ZNF556: variants seen among roughly 807,000 people sequenced by gnomAD.
The protein encoded by ZNF556 is zinc finger protein 556.
ZNF556 carries 11 observed loss-of-function variants against 13.6 expected under a neutral mutation model. The observed-to-expected ratio is 0.81, with a 90% CI of 0.51 to 1.33. The LOEUF is 1.33. Among genes scored for constraint, ZNF556 ranks in the 40% most tolerant of loss-of-function variants. The pLI is 0.00. For missense variants in ZNF556, 633 were observed against 566.2 expected (o/e 1.12, Z -1.20); for synonymous variants, 229 against 207.8 (o/e 1.10, Z -0.88).
intron 1 of ZNF556, among the ~76,000 whole-genome samples, chr19:2,870,908 G>A (rs942286859): frequency 1.4e-5 from 2 of 142,088 alleles, no homozygotes; most frequent in Non-Finnish European, 3.1e-5. Flanking sequence ...GCATGGTGAT[G>A]TGTGCCTGTA....
At chr19:2,870,108 G>C (rs1640128654) in intron 1 of ZNF556, among the ~76,000 whole-genome samples, 1 of 151,872 alleles carries the variant, frequency 6.6e-6, no homozygotes, top group African/African-American at 2.4e-5. Flanking sequence ...ATTTAAATTG[G>C]ATCACATCTG....
In ZNF556 at chr19:2,878,223, A is replaced by G; in HGVS notation, c.1265A>G (p.Gln422Arg). Residue 422 changes from glutamine to arginine, a missense_variant, in exon 4 of 4, where the codon CAG (glutamine) becomes CGG (arginine). Gln to Arg is a conservative substitution (Grantham distance 43). Coordinates refer to ENST00000307635, the MANE Select transcript of ZNF556 (RefSeq NM_024967.3). The part of the protein sequence containing the change: ...SSKNVRTQIG[Q>R]KPSKCEKCGK... ...AAAAATGTAAGAACGCAGATTGGAC[A>G]GAAGCCCAGTAAATGCGAAAAATGT... 2 of 1,614,230 alleles carry G rather than the reference A, an allele frequency of 1.2e-6. No homozygotes were observed. Among genetic ancestry groups the G allele is most frequent in the Admixed American group, 1.7e-5 (1 of 60,022 alleles).
At position 2,877,709 on chromosome 19, in the gene ZNF556, A is replaced by C. The variant is rs564406871; in HGVS notation, c.751A>C (p.Met251Leu). Residue 251 changes from methionine to leucine, a missense_variant, in exon 4 of 4, where the codon ATG becomes CTG. Physicochemically the swap from Met to Leu is conservative, Grantham distance 15. Transcript: ENST00000307635. Reference sequence around the variant, plus strand: ...TCCCAAATCCTTTCGCGCACATGTGATGATGCACGCCGGAGGGAGACCGTA... The same window carrying C: ...TCCCAAATCCTTTCGCGCACATGTGCTGATGCACGCCGGAGGGAGACCGTA... ...SCPKSFRAHV[M>L]MHAGGRPYEC... 3.1e-6 allele frequency: 5 copies of C among 1,614,186 alleles called. No homozygotes were observed. In the African/African-American group the frequency reaches 6.7e-5, roughly 22 times the overall value.
In ZNF556 at chr19:2,877,496, T is replaced by A; in HGVS notation, c.538T>A (p.Cys180Ser). 6.2e-7 allele frequency: 1 copy of A among 1,614,178 alleles called. No homozygotes were observed. Among genetic ancestry groups the A allele is most frequent in the Non-Finnish European group, 8.5e-7 (1 of 1,180,030 alleles). ...SGQKLYKCKE[C>S]GKAFSRPSYL... ...ACAAAAATTATATAAATGTAAGGAA[T>A]GTGGGAAAGCCTTCAGTCGCCCTTC... The change falls in exon 4 of 4, where the codon TGT becomes AGT. Residue 180 changes from cysteine to serine, a missense_variant. Transcript: ENST00000307635.
intron 3 of ZNF556, among the ~76,000 whole-genome samples, chr19:2,876,787 G>C (rs1247912352): frequency 6.6e-6 from 1 of 151,992 alleles, no homozygotes; most frequent in African/African-American, 2.4e-5. Flanking sequence ...TATTGTTTTT[G>C]TAATGGACTG....
intron 1 of ZNF556, 50 bp downstream of exon 1, chr19:2,867,474 G>T (rs755277449): frequency 6.4e-7 from 1 of 1,567,696 alleles, no homozygotes; most frequent in East Asian, 2.3e-5. Flanking sequence ...GGGAGGGGAG[G>T]GTTGGAAGCG....
intron 1 of ZNF556, among the ~76,000 whole-genome samples, chr19:2,871,797 C>T (rs1279919585): frequency 6.6e-6 from 1 of 152,196 alleles, no homozygotes; most frequent in Non-Finnish European, 1.5e-5. Flanking sequence ...CCACAACCAC[C>T]AAGTCGCAGA....
rs576844876 is a variant in ZNF556, at chr19:2,882,427, C to CA, written c.*4109dup. ...TGGGCGACTGAGTGGGACTCTGTCT[C>CA]AAAAAAAAAAAGAGACAAAAGGTAT... On this transcript the variant is annotated 3_prime_UTR_variant, in exon 4 of 4. Transcript: ENST00000307635. The CA allele has an allele frequency of 0.019, 2,372 of 124,402 alleles. 25 individuals are homozygous for CA. Among genetic ancestry groups the CA allele is most frequent in the Middle Eastern group, 0.043 (10 of 232 alleles). The allele number at this position is 124,402 out of a possible 1,614,324, so 7.7% of individuals were successfully genotyped here.
chr19:2,874,023 A>G (rs1056808847), intron 2 of ZNF556, among the ~76,000 whole-genome samples: 1 of 151,664 alleles, frequency 6.6e-6, no homozygotes, highest in Non-Finnish European at 1.5e-5. Context: ...TTGGGAGGCC[A>G]AGGCGGGTGG....
chr19:2,875,983 G>A, intron 2 of ZNF556, 110 bp from the exon 3 acceptor site: 1 of 972,836 alleles, frequency 1.0e-6, no homozygotes, highest in Non-Finnish European at 1.5e-6. Context: ...TAAATAAATA[G>A]ATAAATAAAA....
At chr19:2,871,724 G>C (rs1053516779) in intron 1 of ZNF556, among the ~76,000 whole-genome samples, 4 of 152,164 alleles carry the variant, frequency 2.6e-5, no homozygotes, top group Non-Finnish European at 5.9e-5. Flanking sequence ...CATGTGCAGA[G>C]ACAAGAGAGC....
Position 2,881,782 on chromosome 19 carries a change from C to T in ZNF556, c.*3453C>T, listed in dbSNP as rs895780758. 3 of 151,438 alleles carry T rather than the reference C, an allele frequency of 2.0e-5. No individual in the cohort carries two copies. The highest frequency in any genetic ancestry group is 4.4e-5 in the Non-Finnish European group (3 of 67,944). 9.4% of individuals were successfully genotyped at this position (151,438 alleles called of 1,614,324 possible). Reference sequence around the variant, plus strand: ...TTTTAATACTATTTCAAGAACTGCTCATGAGTTAGGAAATAGTGAGCAGTA... The same window carrying T: ...TTTTAATACTATTTCAAGAACTGCTTATGAGTTAGGAAATAGTGAGCAGTA... On this transcript the variant is annotated 3_prime_UTR_variant, in exon 4 of 4. Coordinates refer to ENST00000307635, the MANE Select transcript of ZNF556 (RefSeq NM_024967.3).
chr19:2,882,531 A>ATATATATATATATATAGTGTGT lies in ZNF556; in HGVS notation c.*4202_*4203insTATATATATATATATAGTGTGT, dbSNP rs57053138. ...ATACATTTTATATATATATATATAT[A>ATATATATATATATATAGTGTGT]GTGTGTGTGTGTGTGTGTGTGTGTG... On this transcript the variant is annotated 3_prime_UTR_variant, in exon 4 of 4. Coordinates refer to ENST00000307635, the MANE Select transcript of ZNF556 (RefSeq NM_024967.3). 7.8e-6 allele frequency: 1 copy of ATATATATATATATATAGTGTGT among 127,718 alleles called. No individual in the cohort carries two copies. Among genetic ancestry groups the ATATATATATATATATAGTGTGT allele is most frequent in the African/African-American group, 3.0e-5 (1 of 32,936 alleles). The allele number at this position is 127,718 out of a possible 1,614,324, so 7.9% of individuals were successfully genotyped here. A position where few individuals can be genotyped will look rare whatever the true frequency, so the allele number is the denominator to read the frequency against.
chr19:2,882,886 G>T lies in ZNF556; in HGVS notation c.*4557G>T, dbSNP rs2087916013. 6.6e-6 allele frequency: 1 copy of T among 152,190 alleles called. No individual in the cohort carries two copies. Among genetic ancestry groups the T allele is most frequent in the South Asian group, 2.1e-4 (1 of 4,832 alleles). 9.4% of individuals were successfully genotyped at this position (152,190 alleles called of 1,614,324 possible). ...TATGTTTTTATGAGTTTGGACATTG[G>T]CATCTGGGACCAGGTACTTCATCTG... is the stretch of plus-strand genomic sequence containing the variant. On this transcript the variant is annotated 3_prime_UTR_variant, in exon 4 of 4. Transcript: ENST00000307635.
rs1260576215 is a variant in ZNF556 at position 2,878,484 on chromosome 19, G to A, written c.*155G>A. 1.5e-6 allele frequency: 1 copy of A among 666,336 alleles called. No homozygotes were observed. Among genetic ancestry groups the A allele is most frequent in the Non-Finnish European group, 2.5e-6 (1 of 405,932 alleles). The allele number at this position is 666,336 out of a possible 1,614,324, so 41.3% of individuals were successfully genotyped here. On this transcript the variant is annotated 3_prime_UTR_variant, in exon 4 of 4. Transcript: ENST00000307635. ...AGGAGATCAAGACCATCCTGGCTAT[G>A]GTGAAACCCCGTCTCTACTAAAAAA...
In ZNF556 at chr19:2,873,759, G is replaced by C. The variant is rs528285508; in HGVS notation, c.130+137G>C. 2,093 of 1,042,474 alleles carry C rather than the reference G, an allele frequency of 2.0e-3. 6 individuals are homozygous for C. The highest frequency in any genetic ancestry group is 2.7e-3 in the Non-Finnish European group (1,974 of 729,628). 64.6% of individuals were successfully genotyped at this position (1,042,474 alleles called of 1,614,324 possible). A position where few individuals can be genotyped will look rare whatever the true frequency, so the allele number is the denominator to read the frequency against. ...ACTTGAGGCTAGGAGTTGACAACCA[G>C]CCTGGGCAACATAGTGAGACCTTGT... is the stretch of plus-strand genomic sequence containing the variant. On this transcript the variant is annotated intron_variant, in intron 2 of 3. Coordinates refer to ENST00000307635, the MANE Select transcript of ZNF556 (RefSeq NM_024967.3).
chr19:2,873,098 A>G (rs541719312), intron 1 of ZNF556, among the ~76,000 whole-genome samples: 1 of 148,972 alleles, frequency 6.7e-6, no homozygotes, highest in East Asian at 2.0e-4. Flanking sequence ...GCCCTACTGC[A>G]CTCCAGCCTG....
chr19:2,867,528 C>T (rs1429345273), intron 1 of ZNF556, 104 bp downstream of exon 1: 4 of 1,502,280 alleles, frequency 2.7e-6, no homozygotes, highest in East Asian at 2.4e-5. Flanking sequence ...CCGGAACCCC[C>T]ATGCAGCCTC....
At chr19:2,867,870 G>A (rs1358326095) in intron 1 of ZNF556, among the ~76,000 whole-genome samples, 2 of 152,138 alleles carry the variant, frequency 1.3e-5, no homozygotes, top group South Asian at 2.1e-4. Context: ...GTGGCGGCAC[G>A]GGCTGGCCTG....
Sources: allele counts gnomAD v4.1 joint callset (sites outside exome capture counted in the v4.1 genomes callset), GRCh38; gene constraint gnomAD v4.1.1; transcripts MANE v1.5; gene names NCBI Gene and HGNC (gene_info 2026-07-23, HGNC 2026-07-21).